WDR17: variants seen among roughly 807,000 people sequenced by gnomAD.
The protein encoded by WDR17 is WD repeat-containing protein 17.
In WDR17, 143 loss-of-function variants were observed where a neutral mutation model predicts 161.7. The observed-to-expected ratio is 0.88, with a 90% CI of 0.77 to 1.02. WDR17 has a LOEUF of 1.02. Among genes scored for constraint, WDR17 ranks in the 50% least tolerant of loss-of-function variants. The probability of loss-of-function intolerance (pLI) is 0.00; values close to 1 mark genes in which losing one functional copy is unlikely to be tolerated. For missense variants in WDR17, 1,469 were observed against 1,520.9 expected (o/e 0.97, Z 0.57); for synonymous variants, 517 against 515.6 (o/e 1.00, Z -0.04).
chr4:176,172,376 G>A lies in WDR17; in HGVS notation c.3104G>A (p.Cys1035Tyr). 6.2e-7 allele frequency: 1 copy of A among 1,604,586 alleles called. No homozygotes were observed. The highest frequency in any genetic ancestry group is 8.5e-7 in the Non-Finnish European group (1 of 1,177,878). Residue 1035 changes from cysteine to tyrosine, a missense_variant and splice_region_variant, in exon 24 of 29, where the codon TGT (cysteine) becomes TAT (tyrosine). Physicochemically the swap from Cys to Tyr is radical, Grantham distance 194 (BLOSUM62 -2). Coordinates refer to ENST00000508596, the MANE Select transcript of WDR17 (RefSeq NM_181265.4). ...TEEINDLHDK[C>Y]KLPTVEECMQ... ...GTTTTCAAATCAATTATTTTCTAGT[G>A]TAAGCTACCCACAGTGGAAGAATGT...
rs776196466 is a variant in WDR17, at chr4:176,177,609, T to A, written c.3687T>A (p.Ser1229Arg). 1.9e-6 allele frequency: 3 copies of A among 1,597,854 alleles called. No homozygotes were observed. The highest frequency in any genetic ancestry group is 2.6e-6 in the Non-Finnish European group (3 of 1,176,060). ...PDYVTGSNLP[S>R]HSDIHISCLT... ...ATGTGACTGGATCAAATCTTCCAAG[T>A]CATTCTGATATTCACATTTCTTGTC... The change falls in exon 28 of 29, where the codon AGT becomes AGA. Residue 1229 changes from serine (S) to arginine (R), a missense_variant. By Grantham distance (110) the Ser-to-Arg change is moderately radical. Transcript: ENST00000508596.
intron 16 of WDR17, among the ~76,000 whole-genome samples, chr4:176,151,385 C>T (rs543133004): frequency 2.8e-4 from 42 of 152,174 alleles, no homozygotes; most frequent in Non-Finnish European, 5.1e-4. Context: ...TCTCCCCTCC[C>T]GTGTCCCACC....
intron 13 of WDR17, among the ~76,000 whole-genome samples, chr4:176,149,127 C>CACAGATA (rs1475708407): frequency 2.0e-5 from 3 of 152,184 alleles, no homozygotes; most frequent in Non-Finnish European, 4.4e-5. Context: ...TCCACTAACT[C>CACAGATA]ACAGATACTA....
chr4:176,128,027 T>G (rs1742737223), intron 5 of WDR17, among the ~76,000 whole-genome samples: 1 of 152,234 alleles, frequency 6.6e-6, no homozygotes, highest in South Asian at 2.1e-4. Flanking sequence ...TATATGGATA[T>G]GGCAGGTTTT....
intron 1 of WDR17, among the ~76,000 whole-genome samples, chr4:176,106,651 G>T (rs962006484): frequency 2.0e-5 from 3 of 152,104 alleles, no homozygotes; most frequent in African/African-American, 7.2e-5. Flanking sequence ...TAAAAATTTT[G>T]TGCATCAAAA....
chr4:176,088,890 T>G (rs1735754116), intron 1 of WDR17, among the ~76,000 whole-genome samples: 1 of 152,178 alleles, frequency 6.6e-6, no homozygotes, highest in South Asian at 2.1e-4. Flanking sequence ...GAGAAGAATT[T>G]GTACTATATC....
Position 176,150,059 on chromosome 4 carries a change from A to G in WDR17, c.2064A>G (p.Pro688=), listed in dbSNP as rs1355401214. ...IIGNTDYAIE[P]GTPPLLCGKV... is the part of the protein sequence containing the mutation. ...GTTCTTCAGATTATGCTATAGAACC[A>G]GGCACTCCTCCTCTACTGTGTGGTA... The change falls in exon 15 of 29, where the codon CCA becomes CCG. Residue 688 remains proline, a synonymous_variant. Coordinates refer to ENST00000508596, the MANE Select transcript of WDR17 (RefSeq NM_181265.4). 6.2e-7 allele frequency: 1 copy of G among 1,614,000 alleles called. No individual in the cohort carries two copies. Among genetic ancestry groups the G allele is most frequent in the East Asian group, 2.2e-5 (1 of 44,856 alleles).
chr4:176,127,294 A>ATTT (rs34588473), intron 5 of WDR17, among the ~76,000 whole-genome samples: 1 of 143,056 alleles, frequency 7.0e-6, no homozygotes, highest in Non-Finnish European at 1.5e-5. Context: ...TAGGCATGGA[A>ATTT]TTTTTTTTTT....
At chr4:176,161,904 T>C (rs1396941460) in intron 20 of WDR17, among the ~76,000 whole-genome samples, 171 bp from the exon 21 acceptor site, 1 of 152,190 alleles carries the variant, frequency 6.6e-6, no homozygotes, top group Non-Finnish European at 1.5e-5. Context: ...TCAGACCGTA[T>C]ACTTGTAAAG....
intron 2 of WDR17, among the ~76,000 whole-genome samples, chr4:176,113,922 T>C (rs1473506218): frequency 6.6e-6 from 1 of 152,054 alleles, no homozygotes; most frequent in Non-Finnish European, 1.5e-5. Flanking sequence ...TCAATGTAAT[T>C]GTACAGTTCA....
intron 22 of WDR17, among the ~76,000 whole-genome samples, chr4:176,167,666 A>AAAAAAAAAAAAAAAAACC (rs1561210753): frequency 4.4e-4 from 61 of 139,942 alleles, no homozygotes; most frequent in African/African-American, 1.5e-3. Context: ...AAAAAAAAAA[A>AAAAAAAAAAAAAAAAACC]AAAAAACAAT....
rs1034440777 is a variant in WDR17, at chr4:176,148,148, G to A, written c.1710G>A (p.Trp570Ter). 3 of 1,613,636 alleles carry A rather than the reference G, an allele frequency of 1.9e-6. No individual in the cohort carries two copies. The African/African-American group carries it at 4.0e-5, about 22-fold the overall frequency. ...CTGTTTTCAGTACCGTTCGAATCTG[G>A]GATTATACTCAGGATGCTTGCATCA... ...SGSDDGTVRI[W>*]DYTQDACINI... Residue 570 changes from tryptophan to a stop codon, truncating the protein, a stop_gained, in exon 13 of 29, where the codon TGG (tryptophan) becomes TGA (stop). Coordinates refer to ENST00000508596, the MANE Select transcript of WDR17 (RefSeq NM_181265.4). LOFTEE classifies it high-confidence loss of function.
chr4:176,133,738 G>A (rs866788803), intron 7 of WDR17, among the ~76,000 whole-genome samples: 5 of 151,336 alleles, frequency 3.3e-5, no homozygotes, highest in Middle Eastern at 3.4e-3. Context: ...GATTACATAG[G>A]ATGAGAAAAA....
chr4:176,162,245 G>T (rs572919827), intron 21 of WDR17, 71 bp downstream of exon 21: 3 of 1,377,848 alleles, frequency 2.2e-6, no homozygotes, highest in African/African-American at 2.9e-5. Flanking sequence ...GAGAGGAAAA[G>T]ATATGGTGAC....
intron 13 of WDR17, 61 bp downstream of exon 13, chr4:176,148,396 C>A: frequency 7.0e-7 from 1 of 1,436,776 alleles, no homozygotes; most frequent in Non-Finnish European, 9.7e-7. Flanking sequence ...ATGCTTATAA[C>A]TTCTGAGGAA....
At chr4:176,105,283 T>C (rs762432301) in intron 1 of WDR17, among the ~76,000 whole-genome samples, 7 of 152,046 alleles carry the variant, frequency 4.6e-5, no homozygotes, top group Admixed American at 6.5e-5. Flanking sequence ...AGTTGGATAA[T>C]TCAATACCCC....
chr4:176,156,059 CT>C lies in WDR17; in HGVS notation c.2461-15del. The C allele has an allele frequency of 6.2e-7, 1 of 1,612,248 alleles. No individual in the cohort carries two copies. Among genetic ancestry groups the C allele is most frequent in the South Asian group, 1.1e-5 (1 of 90,626 alleles). On this transcript the variant is annotated intron_variant, in intron 17 of 28. Transcript: ENST00000508596. ...CAACCAAAATTAATATGCTCCTGCC[CT>C]TTTTGCCTTCTATTGTAGTGGGACA...
intron 11 of WDR17, among the ~76,000 whole-genome samples, chr4:176,143,902 T>A (rs1745723447): frequency 6.6e-6 from 1 of 152,150 alleles, no homozygotes; most frequent in South Asian, 2.1e-4. Flanking sequence ...TTCTACTGCT[T>A]AAATCTTTCA....
chr4:176,073,179 G>A (rs1733460745), intron 1 of WDR17, among the ~76,000 whole-genome samples: 1 of 152,070 alleles, frequency 6.6e-6, no homozygotes, highest in Non-Finnish European at 1.5e-5. Flanking sequence ...ATGTATACAT[G>A]TGCCATGTTG....
Sources: gnomAD v4.1 joint callset for allele counts (sites outside exome capture counted in the v4.1 genomes callset) on GRCh38, gnomAD v4.1.1 for gene constraint, MANE v1.5 for transcripts, NCBI Gene and HGNC (gene_info 2026-07-23, HGNC 2026-07-21) for gene names.